Variants in LMO4 observed in about 807,000 individuals in gnomAD.
LMO4 encodes the protein LIM domain transcription factor LMO4.
A neutral mutation model predicts 18.5 loss-of-function variants in LMO4; 3 were observed. That is an observed-to-expected ratio of 0.16 (90% confidence interval 0.07 to 0.42). The LOEUF (loss-of-function observed/expected upper bound fraction) is 0.42, where lower values mean the gene tolerates loss of function less well. Ranked by LOEUF, LMO4 falls within the 10% of genes least tolerant of loss-of-function variation. LMO4 has a pLI of 0.99. For synonymous variants in LMO4, 100 were observed against 88.1 expected (o/e 1.14, Z -0.76); for missense variants, 121 against 219.9 (o/e 0.55, Z 2.84).
At chr1:87,335,436 C>T (rs1052664594) in intron 2 of LMO4, among the ~76,000 whole-genome samples, 1 of 151,814 alleles carries the variant, frequency 6.6e-6, no homozygotes, top group Non-Finnish European at 1.5e-5. Flanking sequence ...AGCGCCCAGC[C>T]GGCGGGCGGT....
intron 1 of LMO4, among the ~76,000 whole-genome samples, chr1:87,330,995 G>A (rs1650121493): frequency 6.8e-6 from 1 of 147,252 alleles, no homozygotes; most frequent in African/African-American, 2.5e-5. Context: ...GTGACAGCAG[G>A]ACGGGCTCGA....
At chr1:87,336,988 ACACG>A (rs1282047418) in intron 2 of LMO4, among the ~76,000 whole-genome samples, 19 of 152,276 alleles carry the variant, frequency 1.2e-4, no homozygotes, top group Middle Eastern at 3.4e-3. Context: ...ACACACACAC[ACACG>A]CACACACAAC....
At position 87,339,284 on chromosome 1, in the gene LMO4, G is replaced by C. The variant is rs959377059; in HGVS notation, c.237-252G>C. On this transcript the variant is annotated intron_variant, in intron 2 of 4. Transcript: ENST00000370544. ...GATAAAATGTGTGTAGAACAGAATT[G>C]TATTTGCTAGAGGTGTAAGTCAATA... Among the ~76,000 whole-genome samples, 12 of 151,524 alleles carry C rather than the reference G, an allele frequency of 7.9e-5. No homozygotes were observed. In the East Asian group the frequency reaches 1.4e-3, roughly 17 times the overall value.
chr1:87,347,089 T>C lies in LMO4; in HGVS notation c.*2293T>C, dbSNP rs1015493635. 12 of 152,312 alleles carry C rather than the reference T, an allele frequency of 7.9e-5. 1 individual carries two copies. The highest frequency in any genetic ancestry group is 4.1e-4 in the South Asian group (2 of 4,830). The allele number at this position is 152,312 out of a possible 1,614,324, so 9.4% of individuals were successfully genotyped here. Reference sequence around the variant, plus strand: ...ATTACGGACTTTAAATAAACTATTATATGGCTGGTTCCTCAAGCACTGCTG... The same window carrying C: ...ATTACGGACTTTAAATAAACTATTACATGGCTGGTTCCTCAAGCACTGCTG... On this transcript the variant is annotated 3_prime_UTR_variant, in exon 5 of 5. Transcript: ENST00000370544.
chr1:87,348,418 G>A lies in LMO4; in HGVS notation c.*3622G>A, dbSNP rs12032178. On this transcript the variant is annotated 3_prime_UTR_variant, in exon 5 of 5. Coordinates refer to ENST00000370544, the MANE Select transcript of LMO4 (RefSeq NM_006769.4). ...TTGTTAGTGCAGCCAAGTCACAGAA[G>A]TGCTTATTGCAGTTAAATAGCAATT... The A allele has an allele frequency of 0.12, 35,811 of 290,766 alleles. 4,040 individuals carry two copies. Among genetic ancestry groups the A allele is most frequent in the African/African-American group, 0.37 (16,817 of 46,026 alleles). 18.0% of individuals were successfully genotyped at this position (290,766 alleles called of 1,614,324 possible). A position where few individuals can be genotyped will look rare whatever the true frequency, so the allele number is the denominator to read the frequency against.
intron 1 of LMO4, chr1:87,331,330 A>C (rs1300786791): frequency 6.6e-6 from 1 of 151,916 alleles, no homozygotes; most frequent in Non-Finnish European, 1.5e-5. Flanking sequence ...AAATACGAAA[A>C]ACCAGTTTCG....
At position 87,330,316 on chromosome 1, in the gene LMO4, G is replaced by GA. The variant is rs145911771; in HGVS notation, c.-4+1075dup. Among the ~76,000 whole-genome samples, 698 of 152,268 alleles carry GA rather than the reference G, an allele frequency of 4.6e-3. 4 individuals carry two copies. The highest frequency in any genetic ancestry group is 0.016 in the African/African-American group (667 of 41,542). ...ATTCGGAGCGATTAAAACGTTGGGG[G>GA]AAACAGTTTAAAGATCTAGGGCAGG... On this transcript the variant is annotated intron_variant, in intron 1 of 4. Coordinates refer to ENST00000370544, the MANE Select transcript of LMO4 (RefSeq NM_006769.4).
intron 4 of LMO4, among the ~76,000 whole-genome samples, chr1:87,342,611 C>T (rs1650528121): frequency 6.6e-6 from 1 of 152,116 alleles, no homozygotes; most frequent in African/African-American, 2.4e-5. Flanking sequence ...TCTTGTCAGA[C>T]ATTGGTGAGA....
rs1272318730 is a variant in LMO4, at chr1:87,339,642, G to A, written c.333+10G>A. On this transcript the variant is annotated intron_variant, in intron 3 of 4. Coordinates refer to ENST00000370544, the MANE Select transcript of LMO4 (RefSeq NM_006769.4). ...TGTGTATCATCTTAAGGTAGTATTT[G>A]CATCTCTCTTTTTTTTTTAAAAAAA... 1 of 1,558,946 alleles carries A rather than the reference G, an allele frequency of 6.4e-7. No individual in the cohort carries two copies. Among genetic ancestry groups the A allele is most frequent in the South Asian group, 1.1e-5 (1 of 87,950 alleles).
chr1:87,332,815 C>G (rs909543399), intron 2 of LMO4, among the ~76,000 whole-genome samples: 1 of 152,074 alleles, frequency 6.6e-6, no homozygotes, highest in East Asian at 1.9e-4. Context: ...ACTTGTAATT[C>G]TTCTTATAGA....
Position 87,332,053 on chromosome 1 carries a change from T to G in LMO4, c.38T>G (p.Val13Gly), listed in dbSNP as rs1570648957. ...NPGSSSQPPP[V>G]TAGSLSWKRC... ...GGCAGCAGCTCGCAGCCGCCCCCGG[T>G]GACGGCCGGCTCCCTCTCCTGGAAG... The change falls in exon 2 of 5, where the codon GTG becomes GGG. Residue 13 changes from valine (V) to glycine (G), a missense_variant. Val to Gly is a moderately radical substitution (Grantham distance 109). This residue lies in a region of LMO4 where 51 missense variants were observed against 56.8 expected (regional missense o/e 0.90). Coordinates refer to ENST00000370544, the MANE Select transcript of LMO4 (RefSeq NM_006769.4). 6.2e-7 allele frequency: 1 copy of G among 1,613,246 alleles called. No individual in the cohort carries two copies. Among genetic ancestry groups the G allele is most frequent in the Non-Finnish European group, 8.5e-7 (1 of 1,179,930 alleles).
At chr1:87,342,390 C>A (rs1274043898) in intron 4 of LMO4, among the ~76,000 whole-genome samples, 1 of 152,154 alleles carries the variant, frequency 6.6e-6, no homozygotes, top group African/African-American at 2.4e-5. Context: ...GATGAGATTA[C>A]ATGTCTTATG....
chr1:87,344,527 T>C (rs1650576582), intron 4 of LMO4, among the ~76,000 whole-genome samples: 1 of 152,210 alleles, frequency 6.6e-6, no homozygotes, highest in African/African-American at 2.4e-5. Flanking sequence ...AAGCAATTAA[T>C]TGTAGTACTT....
At chr1:87,337,000 A>AC (rs1557614678) in intron 2 of LMO4, among the ~76,000 whole-genome samples, 1 of 152,068 alleles carries the variant, frequency 6.6e-6, no homozygotes, top group East Asian at 1.9e-4. Flanking sequence ...ACGCACACAC[A>AC]ACTTTTCAGA....
At position 87,340,196 on chromosome 1, in the gene LMO4, C is replaced by T. The variant is rs1014934265; in HGVS notation, c.483C>T (p.Asp161=). 1.9e-6 allele frequency: 3 copies of T among 1,613,812 alleles called. No homozygotes were observed. Among genetic ancestry groups the T allele is most frequent in the African/African-American group, 2.7e-5 (2 of 74,900 alleles). The change falls in exon 4 of 5, where the codon GAC becomes GAT. Residue 161 remains aspartate (D), a synonymous_variant. Coordinates refer to ENST00000370544, the MANE Select transcript of LMO4 (RefSeq NM_006769.4). ...TTCAGAGCAATCCACTACTGCCAGA[C>T]CAGAAGGTGAATACCCAGCAATTAC... ...NSLQSNPLLP[D]QKVC
At chr1:87,331,561 C>T (rs1015723660) in intron 1 of LMO4, 5 of 175,746 alleles carry the variant, frequency 2.8e-5, no homozygotes, top group Admixed American at 6.2e-5. Flanking sequence ...TGTCCCGGGG[C>T]CCGGCGGGGG....
In LMO4 at chr1:87,332,247, A is replaced by G. The variant is rs775209423; in HGVS notation, c.232A>G (p.Ile78Val). 18 of 1,611,206 alleles carry G rather than the reference A, an allele frequency of 1.1e-5. No homozygotes were observed. Among genetic ancestry groups the G allele is most frequent in the East Asian group, 2.2e-5 (1 of 44,854 alleles). The change falls in exon 2 of 5, where the codon ATT becomes GTT. Residue 78 changes from isoleucine to valine, a missense_variant. By Grantham distance (29) the Ile-to-Val change is conservative. Coordinates refer to ENST00000370544, the MANE Select transcript of LMO4 (RefSeq NM_006769.4). Reference sequence around the variant, plus strand: ...CATGATCCTTTGCAGAAATGACTACATTAGGTAAGACTTTGCTGTCTTTCC... The same window carrying G: ...CATGATCCTTTGCAGAAATGACTACGTTAGGTAAGACTTTGCTGTCTTTCC... ...SGMILCRNDY[I>V]RLFGNSGACS...
intron 2 of LMO4, among the ~76,000 whole-genome samples, chr1:87,333,606 TA>T (rs1307499916): frequency 6.6e-6 from 1 of 152,206 alleles, no homozygotes; most frequent in Non-Finnish European, 1.5e-5. Context: ...GACATTTAGT[TA>T]TTTTGATAAT....
At chr1:87,336,496 C>T (rs12407630) in intron 2 of LMO4, among the ~76,000 whole-genome samples, 5,208 of 152,222 alleles carry the variant, frequency 0.034, 146 homozygotes, top group East Asian at 0.17. Context: ...ACTAAAAATA[C>T]GATTTGCCCT....
Sources: allele counts gnomAD v4.1 joint callset (sites outside exome capture counted in the v4.1 genomes callset), GRCh38; gene constraint gnomAD v4.1.1; regional missense constraint gnomAD v4.1.1; transcripts MANE v1.5; gene names NCBI Gene and HGNC (gene_info 2026-07-23, HGNC 2026-07-21).